FANCI: variants seen among roughly 807,000 people sequenced by gnomAD.
The protein encoded by FANCI is Fanconi anemia group I protein.
A neutral mutation model predicts 176.1 loss-of-function variants in FANCI; 156 were observed. The ratio of observed to expected loss-of-function variants is 0.89; its 90% CI spans 0.78 to 1.01. The LOEUF is 1.01. Ranked by LOEUF, FANCI falls within the 50% of genes least tolerant of loss-of-function variation. The pLI, the probability that FANCI is intolerant of heterozygous loss-of-function variation, is 0.00. For missense variants in FANCI, 1,678 were observed against 1,534.1 expected, an observed-to-expected ratio of 1.09 and a Z score of -1.57; for synonymous variants, 613 against 541.7, an observed-to-expected ratio of 1.13 and a Z score of -1.83.
In FANCI at chr15:89,290,279, C is replaced by A; in HGVS notation, c.1888C>A (p.Gln630Lys). The stretch of plus-strand genomic sequence containing the variant: ...TTCAGTCATGCAAACTCTGCTCTCA[C>A]AGGTAAAATACATTTTTATGGATAT... ...ANSVMQTLLS[Q>K]LKQFYEPKPD... The change falls in exon 19 of 38, where the codon CAG (glutamine) becomes AAG (lysine). Residue 630 changes from glutamine to lysine, a missense_variant and splice_region_variant. Physicochemically the swap from Gln to Lys is moderately conservative, Grantham distance 53. Around this residue, in one of 3 missense-constraint regions of FANCI, gnomAD observed 1,204 missense variants for 1,077.4 expected, o/e 1.12. Coordinates refer to ENST00000310775, the MANE Select transcript of FANCI (RefSeq NM_001113378.2). The A allele has an allele frequency of 1.9e-6, 3 of 1,611,530 alleles. No homozygotes were observed. The highest frequency in any genetic ancestry group is 2.5e-6 in the Non-Finnish European group (3 of 1,177,700).
chr15:89,272,069 A>G (rs576656309), intron 10 of FANCI, among the ~76,000 whole-genome samples: 2 of 152,220 alleles, frequency 1.3e-5, no homozygotes, highest in Non-Finnish European at 2.9e-5. Context: ...CACTATCACT[A>G]TGTGAGGGTT....
In FANCI at chr15:89,276,845, A is replaced by G; in HGVS notation, c.1247A>G (p.Gln416Arg). ...TSPSLSRMPNQHACKLGANIL... is the reference protein window; with the variant it reads ...TSPSLSRMPNRHACKLGANIL... The stretch of plus-strand genomic sequence containing the variant: ...CCAAGTCTTTCTAGAATGCCAAACC[A>G]GCATGCATGTAAGCTCGGAGCTAAT... Residue 416 changes from glutamine to arginine, a missense_variant, in exon 13 of 38, where the codon CAG (glutamine) becomes CGG (arginine). Physicochemically the swap from Gln to Arg is conservative, Grantham distance 43. This residue lies in a region of FANCI where 1,204 missense variants were observed against 1,077.4 expected (regional missense o/e 1.12). Coordinates refer to ENST00000310775, the MANE Select transcript of FANCI (RefSeq NM_001113378.2). 1 of 1,614,212 alleles carries G rather than the reference A, an allele frequency of 6.2e-7. No homozygotes were observed. Among genetic ancestry groups the G allele is most frequent in the Non-Finnish European group, 8.5e-7 (1 of 1,180,036 alleles).
Position 89,311,241 on chromosome 15 carries a change from A to G in FANCI, c.3652-1663A>G, listed in dbSNP as rs60398531. 7.7e-3 allele frequency among the ~76,000 whole-genome samples: 1,161 copies of G among 151,676 alleles called. 16 individuals are homozygous for G. The highest frequency in any genetic ancestry group is 0.017 in the African/African-American group (722 of 41,350). Reference sequence around the variant, plus strand: ...ACCACTGCACTCCAGCCTGGGCAACAGAGCATGACTCTGTCTCAAAAAAAA... The same window carrying G: ...ACCACTGCACTCCAGCCTGGGCAACGGAGCATGACTCTGTCTCAAAAAAAA... On this transcript the variant is annotated intron_variant, in intron 34 of 37. Transcript: ENST00000310775.
chr15:89,292,188 A>T (rs2054095059), intron 20 of FANCI, among the ~76,000 whole-genome samples: 1 of 152,168 alleles, frequency 6.6e-6, no homozygotes, highest in South Asian at 2.1e-4. Flanking sequence ...ATAAAAATGG[A>T]AACTCCCACC....
chr15:89,296,896 G>A (rs1277483115), intron 24 of FANCI, among the ~76,000 whole-genome samples: 2 of 148,734 alleles, frequency 1.3e-5, no homozygotes, highest in Non-Finnish European at 1.5e-5. Context: ...CCTCCCGGAC[G>A]GGGCGGCTGG....
At chr15:89,300,598 A>G (rs1314955048) in intron 26 of FANCI, among the ~76,000 whole-genome samples, 1 of 152,226 alleles carries the variant, frequency 6.6e-6, no homozygotes, top group Non-Finnish European at 1.5e-5. Context: ...CCAACCTGCA[A>G]TACTCATTAC....
chr15:89,274,101 C>A, intron 11 of FANCI, 67 bp from the exon 12 acceptor site: 1 of 1,206,982 alleles, frequency 8.3e-7, no homozygotes. Context: ...TTATTTCTTT[C>A]ATTCTGTTAG....
chr15:89,278,795 G>A, intron 14 of FANCI, 21 bp downstream of exon 14: 1 of 1,583,988 alleles, frequency 6.3e-7, no homozygotes, highest in South Asian at 1.1e-5. Flanking sequence ...TTGAAAGAAT[G>A]AATAAAGTTT....
chr15:89,276,661 G>C, intron 12 of FANCI, 50 bp from the exon 13 acceptor site: 4 of 1,601,632 alleles, frequency 2.5e-6, no homozygotes, highest in Non-Finnish European at 2.6e-6. Context: ...ATAAAGGTAA[G>C]AATATCTCAC....
Position 89,264,822 on chromosome 15 carries a change from C to G in FANCI, c.755+215C>G, listed in dbSNP as rs150286614. ...TCCAGGAAAATAATTGTCCTATAAG[C>G]TGCAAGTTTAAAACCTATTTATTAG... On this transcript the variant is annotated intron_variant, in intron 9 of 37. Transcript: ENST00000310775. 2.6e-3 allele frequency among the ~76,000 whole-genome samples: 395 copies of G among 152,254 alleles called. 4 individuals are homozygous for G. The highest frequency in any genetic ancestry group is 9.2e-3 in the African/African-American group (384 of 41,540).
At chr15:89,284,920 C>A (rs950974240) in intron 17 of FANCI, among the ~76,000 whole-genome samples, 176 bp from the exon 18 acceptor site, 4 of 152,150 alleles carry the variant, frequency 2.6e-5, no homozygotes, top group African/African-American at 9.7e-5. Context: ...TTATTCCAAA[C>A]CAGAATAAGA....
In FANCI at chr15:89,299,816, T is replaced by TA; in HGVS notation, c.2654dup (p.Tyr885Ter). 2 of 1,613,794 alleles carry TA rather than the reference T, an allele frequency of 1.2e-6. No individual in the cohort carries two copies. The highest frequency in any genetic ancestry group is 1.1e-5 in the South Asian group (1 of 91,042). ...CDITRVLLWR[Y>*]TSIPTSVEES... ...CTGCTTCAGAGTCTTGCTATGGAGA[T>TA]ACACTTCAATTCCTACTTCAGTGGA... Residue 885 changes from tyrosine (Y) to a stop codon, truncating the protein, a stop_gained and frameshift_variant, in exon 25 of 38, where the codon TAC becomes TAAC. Transcript: ENST00000310775. LOFTEE classifies it high-confidence loss of function.
At chr15:89,297,020 A>C in intron 24 of FANCI, among the ~76,000 whole-genome samples, 1 of 134,580 alleles carries the variant, frequency 7.4e-6, no homozygotes, top group Non-Finnish European at 1.6e-5. Flanking sequence ...GCGGGGGCTG[A>C]CCCCCACCTC....
rs1463237417 is a variant in FANCI at position 89,301,191 on chromosome 15, A to G, written c.2890-135A>G. 5.3e-6 allele frequency: 4 copies of G among 752,968 alleles called. No homozygotes were observed. The East Asian group carries it at 1.0e-4, about 19-fold the overall frequency. 46.6% of individuals were successfully genotyped at this position (752,968 alleles called of 1,614,324 possible). ...CTGCTCAATTCAGGTGTATTTTCAG[A>G]TTTTATCCTCTTAGAATTTTGGTAG... is the stretch of plus-strand genomic sequence containing the variant. On this transcript the variant is annotated intron_variant, in intron 26 of 37. Coordinates refer to ENST00000310775, the MANE Select transcript of FANCI (RefSeq NM_001113378.2).
Position 89,278,711 on chromosome 15 carries a change from A to C in FANCI, c.1318A>C (p.Ile440Leu). 6.2e-7 allele frequency: 1 copy of C among 1,613,944 alleles called. No homozygotes were observed. Among genetic ancestry groups the C allele is most frequent in the Non-Finnish European group, 8.5e-7 (1 of 1,179,856 alleles). The change falls in exon 14 of 38, where the codon ATT (isoleucine) becomes CTT (leucine). Residue 440 changes from isoleucine to leucine, a missense_variant. Ile to Leu is a conservative substitution (Grantham distance 5). Transcript: ENST00000310775. ...FKIHEMIRQEILEQVLNRVVT... is the reference protein window; with the variant it reads ...FKIHEMIRQELLEQVLNRVVT... ...GATCCATGAGATGATCAGACAAGAA[A>C]TTTTGGAGCAGGTCCTCAACAGGGT...
At chr15:89,285,314 C>A in intron 18 of FANCI, 96 bp downstream of exon 18, 1 of 1,493,064 alleles carries the variant, frequency 6.7e-7, no homozygotes, top group Non-Finnish European at 9.1e-7. Flanking sequence ...AATAGCTATG[C>A]TCTTACTTGA....
At position 89,316,841 on chromosome 15, in the gene FANCI, C is replaced by T. The variant is rs3087375; in HGVS notation, c.*382C>T. 6.2e-6 allele frequency: 10 copies of T among 1,602,266 alleles called. No individual in the cohort carries two copies. The East Asian group carries it at 6.7e-5, about 11-fold the overall frequency. On this transcript the variant is annotated 3_prime_UTR_variant, in exon 38 of 38. Coordinates refer to ENST00000310775, the MANE Select transcript of FANCI (RefSeq NM_001113378.2). Reference sequence around the variant, plus strand: ...CCAGCGCTTCACCTGAAAGATAGTGCAAATTGGTTAGGATGCCACCTCAAG... The same window carrying T: ...CCAGCGCTTCACCTGAAAGATAGTGTAAATTGGTTAGGATGCCACCTCAAG...
Position 89,305,655 on chromosome 15 carries a change from A to T in FANCI, c.3306A>T (p.Leu1102=), listed in dbSNP as rs749285803. The T allele has an allele frequency of 1.9e-6, 3 of 1,614,202 alleles. No individual in the cohort carries two copies. Among genetic ancestry groups the T allele is most frequent in the East Asian group, 4.5e-5 (2 of 44,878 alleles). Residue 1102 remains leucine (L), a synonymous_variant, in exon 31 of 38, where the codon CTA becomes CTT. Transcript: ENST00000310775. ...AEKVLEEVDW[L]ITKLKGQVSQ... ...AGGTTCTAGAAGAAGTGGACTGGCTAATCACCAAGCTTAAGGGACAAGTGA... is the reference window on the plus strand; with the variant it reads ...AGGTTCTAGAAGAAGTGGACTGGCTTATCACCAAGCTTAAGGGACAAGTGA...
chr15:89,263,562 T>G, intron 7 of FANCI, 102 bp downstream of exon 7: 1 of 1,015,386 alleles, frequency 9.8e-7, no homozygotes, highest in Non-Finnish European at 1.6e-6. Flanking sequence ...CTCCTGATTG[T>G]AAGAATATTA....
Sources: allele counts gnomAD v4.1 joint callset (sites outside exome capture counted in the v4.1 genomes callset), GRCh38; gene constraint gnomAD v4.1.1; regional missense constraint gnomAD v4.1.1; transcripts MANE v1.5; gene names NCBI Gene and HGNC (gene_info 2026-07-23, HGNC 2026-07-21).